The following VPS13D variants were observed in gnomAD, a reference collection of about 807,000 sequenced individuals.
VPS13D encodes vacuolar protein sorting 13 homolog D, also known as intermembrane lipid transfer protein VPS13D.
Under a neutral mutation model 461.9 loss-of-function variants are expected in VPS13D, and 187 were observed. The ratio of observed to expected loss-of-function variants is 0.40; its 90% CI spans 0.36 to 0.46. The LOEUF (loss-of-function observed/expected upper bound fraction) is 0.46, where lower values mean the gene tolerates loss of function less well. Among genes scored for constraint, VPS13D ranks in the 20% least tolerant of loss-of-function variants. The pLI, the probability that VPS13D is intolerant of heterozygous loss-of-function variation, is 0.60. For missense variants in VPS13D, 4,711 were observed against 5,364.9 expected (o/e 0.88, Z 3.81); for synonymous variants, 1,951 against 1,986.3 (o/e 0.98, Z 0.47).
intron 67 of VPS13D, among the ~76,000 whole-genome samples, chr1:12,491,063 C>T (rs1645874299): frequency 6.6e-6 from 1 of 152,150 alleles, no homozygotes; most frequent in South Asian, 2.1e-4. Flanking sequence ...TTATCAGTGA[C>T]CAGTATTGGA....
chr1:12,374,765 T>A (rs1644174761), intron 55 of VPS13D, among the ~76,000 whole-genome samples: 1 of 152,150 alleles, frequency 6.6e-6, no homozygotes, highest in South Asian at 2.1e-4. Flanking sequence ...TGAGATGGAG[T>A]CTTGCTCTGT....
intron 63 of VPS13D, among the ~76,000 whole-genome samples, chr1:12,410,571 A>T (rs1644713479): frequency 6.6e-6 from 1 of 152,258 alleles, no homozygotes; most frequent in Non-Finnish European, 1.5e-5. Flanking sequence ...AACCATAGAT[A>T]AACTGGATGT....
chr1:12,258,195 A>G, intron 10 of VPS13D, 92 bp downstream of exon 10: 1 of 1,490,692 alleles, frequency 6.7e-7, no homozygotes, highest in East Asian at 2.3e-5. Flanking sequence ...GTGAAGTAAT[A>G]AAGTCCCATG....
chr1:12,233,494 TC>T (rs1399957246), intron 1 of VPS13D, among the ~76,000 whole-genome samples: 2 of 152,158 alleles, frequency 1.3e-5, no homozygotes, highest in Non-Finnish European at 2.9e-5. Flanking sequence ...AGCCCCTAAG[TC>T]ATGATAAAAA....
At chr1:12,390,979 G>A (rs915349320) in intron 60 of VPS13D, among the ~76,000 whole-genome samples, 4 of 152,202 alleles carry the variant, frequency 2.6e-5, no homozygotes, top group Non-Finnish European at 5.9e-5. Context: ...CACTCACATG[G>A]GATACAAGTA....
chr1:12,256,186 T>G, intron 7 of VPS13D, 147 bp from the exon 8 acceptor site: 1 of 899,970 alleles, frequency 1.1e-6, no homozygotes, highest in South Asian at 1.8e-5. Flanking sequence ...TAAAAATGAA[T>G]AAAAACAAAA....
intron 16 of VPS13D, among the ~76,000 whole-genome samples, chr1:12,269,609 G>A (rs1453781124): frequency 6.6e-6 from 1 of 152,156 alleles, no homozygotes; most frequent in Non-Finnish European, 1.5e-5. Flanking sequence ...ATTAAATACT[G>A]CAAAGTTGTA....
rs1345614610 is a variant in VPS13D, at chr1:12,256,429, C to T, written c.766C>T (p.Pro256Ser). The change falls in exon 8 of 70, where the codon CCC becomes TCC. Residue 256 changes from proline (P) to serine (S), a missense_variant. Coordinates refer to ENST00000620676, the MANE Select transcript of VPS13D (RefSeq NM_015378.4). ...TTTGAAGAGAAACTGCTCCAAGAAG[C>T]CCCTGCGGTCTCGGCACAGTCCCCG... ...ALLKRNCSKK[P>S]LRSRHSPRID... The T allele has an allele frequency of 6.2e-7, 1 of 1,614,148 alleles. No homozygotes were observed. The highest frequency in any genetic ancestry group is 8.5e-7 in the Non-Finnish European group (1 of 1,180,018).
chr1:12,450,209 C>T (rs1645244773), intron 65 of VPS13D, among the ~76,000 whole-genome samples: 2 of 152,148 alleles, frequency 1.3e-5, no homozygotes, highest in South Asian at 2.1e-4. Flanking sequence ...AAGCCTCTTC[C>T]ACCAGCATGC....
chr1:12,313,299 CTTTTTTTTTTTTTTT>C (rs765170972), intron 29 of VPS13D, among the ~76,000 whole-genome samples: 2 of 117,584 alleles, frequency 1.7e-5, no homozygotes, highest in South Asian at 2.7e-4. Context: ...TTATTCTTTC[CTTTTTTTTTTTTTTT>C]TTTTTTTTTT....
chr1:12,447,849 C>A (rs957697808), intron 65 of VPS13D, among the ~76,000 whole-genome samples: 1 of 152,074 alleles, frequency 6.6e-6, no homozygotes, highest in African/African-American at 2.4e-5. Flanking sequence ...GAGGAATGTT[C>A]GGTTTCATTT....
In VPS13D at chr1:12,356,516, G is replaced by A. The variant is rs773998362; in HGVS notation, c.9990G>A (p.Gln3330=). 9 of 1,613,088 alleles carry A rather than the reference G, an allele frequency of 5.6e-6. No homozygotes were observed. Among genetic ancestry groups the A allele is most frequent in the South Asian group, 1.1e-5 (1 of 90,786 alleles). The change falls in exon 49 of 70, where the codon CAG becomes CAA. Residue 3330 remains glutamine (Q), a synonymous_variant. Coordinates refer to ENST00000620676, the MANE Select transcript of VPS13D (RefSeq NM_015378.4). ...PLLFCYADKE[Q]PNLCTMRIGR... ...TATTCTGCTATGCTGACAAAGAGCA[G>A]CCAAACCTGTGAGTACAGTTATTTA...
intron 60 of VPS13D, among the ~76,000 whole-genome samples, chr1:12,388,192 A>C (rs763374932): frequency 1.3e-5 from 2 of 152,224 alleles, no homozygotes; most frequent in African/African-American, 2.4e-5. Flanking sequence ...TGTCACTTGA[A>C]TGTAGAATTA....
At chr1:12,285,265 T>A (rs1641926106) in intron 21 of VPS13D, among the ~76,000 whole-genome samples, 1 of 150,708 alleles carries the variant, frequency 6.6e-6, no homozygotes. Flanking sequence ...TTTTATTTTA[T>A]GTATTTATTT....
At chr1:12,297,583 T>C (rs1308512189) in intron 24 of VPS13D, among the ~76,000 whole-genome samples, 1 of 152,228 alleles carries the variant, frequency 6.6e-6, no homozygotes, top group Non-Finnish European at 1.5e-5. Flanking sequence ...CAGAATTAAG[T>C]AGCCTGTACT....
At chr1:12,308,204 C>T (rs866155027) in intron 26 of VPS13D, among the ~76,000 whole-genome samples, 10 of 151,880 alleles carry the variant, frequency 6.6e-5, no homozygotes, top group African/African-American at 1.7e-4. Context: ...GGAGTGGAGG[C>T]GGGTGGGCAG....
chr1:12,247,166 T>C (rs1640577836), intron 5 of VPS13D, among the ~76,000 whole-genome samples: 2 of 152,314 alleles, frequency 1.3e-5, no homozygotes, highest in Non-Finnish European at 2.9e-5. Context: ...GGCACGCCTG[T>C]AATCCCAGCA....
chr1:12,243,020 T>C (rs1356990861), intron 3 of VPS13D, among the ~76,000 whole-genome samples: 1 of 151,640 alleles, frequency 6.6e-6, no homozygotes, highest in East Asian at 1.9e-4. Context: ...TGGTGCGATC[T>C]CGGCTCACTG....
rs1274037059 is a variant in VPS13D at position 12,511,033 on chromosome 1, C to A, written c.*2009C>A. The A allele has an allele frequency of 6.6e-6, 1 of 152,212 alleles. No homozygotes were observed. The highest frequency in any genetic ancestry group is 2.4e-5 in the African/African-American group (1 of 41,438). 9.4% of individuals were successfully genotyped at this position (152,212 alleles called of 1,614,324 possible). A position where few individuals can be genotyped will look rare whatever the true frequency, so the allele number is the denominator to read the frequency against. On this transcript the variant is annotated 3_prime_UTR_variant, in exon 70 of 70. Transcript: ENST00000620676. This position sits in a 1 kb window ranked among gnomAD's most constrained non-coding sequence, Gnocchi z 4.5. ...GATGAGATTAAGGAGTTTAGTGTTACTAAGAAAATCTGCTTTGGGCCGCAG... is the reference window on the plus strand; with the variant it reads ...GATGAGATTAAGGAGTTTAGTGTTAATAAGAAAATCTGCTTTGGGCCGCAG...
Sources: gnomAD v4.1 joint callset for allele counts (sites outside exome capture counted in the v4.1 genomes callset) on GRCh38, gnomAD v4.1.1 for gene constraint, Gnocchi (gnomAD v3.1) non-coding constraint, MANE v1.5 for transcripts, NCBI Gene and HGNC (gene_info 2026-07-23, HGNC 2026-07-21) for gene names.